The following USP6NL variants were observed in gnomAD, a reference collection of about 807,000 sequenced individuals.
The protein encoded by USP6NL is USP6 N-terminal-like protein.
Under a neutral mutation model 61.9 loss-of-function variants are expected in USP6NL, and 26 were observed. The observed-to-expected ratio is 0.42, with a 90% CI of 0.31 to 0.58. The LOEUF is 0.58. Ranked by LOEUF, USP6NL falls within the 20% of genes least tolerant of loss-of-function variation. USP6NL has a pLI of 0.16. For missense variants in USP6NL, 1,114 were observed against 1,034.3 expected, an observed-to-expected ratio of 1.08 and a Z score of -1.06; for synonymous variants, 432 against 390.1, an observed-to-expected ratio of 1.11 and a Z score of -1.27.
At position 11,592,308 on chromosome 10, in the gene USP6NL, G is replaced by T. The variant is rs1011018201; in HGVS notation, c.4+5323C>A. On this transcript the variant is annotated intron_variant, in intron 2 of 14. Coordinates refer to ENST00000609104, the MANE Select transcript of USP6NL (RefSeq NM_014688.5). The surrounding 1 kb of genome is among the most constrained non-coding windows in gnomAD (Gnocchi z 4.7). ...GAAAGTAATCACACAAATTTTCTGA[G>T]AAGCAATTTCTGCTGGCATTCTTCA... Among the ~76,000 whole-genome samples, 2 of 152,118 alleles carry T rather than the reference G, an allele frequency of 1.3e-5. No homozygotes were observed. Among genetic ancestry groups the T allele is most frequent in the African/African-American group, 2.4e-5 (1 of 41,418 alleles).
Position 11,501,214 on chromosome 10 carries a change from TAAAAGA to T in USP6NL, c.277-12_277-7del. The T allele has an allele frequency of 6.2e-7, 1 of 1,600,584 alleles. No homozygotes were observed. Among genetic ancestry groups the T allele is most frequent in the Non-Finnish European group, 8.5e-7 (1 of 1,175,030 alleles). On this transcript the variant is annotated splice_region_variant and splice_polypyrimidine_tract_variant and intron_variant, in intron 6 of 14. Coordinates refer to ENST00000609104, the MANE Select transcript of USP6NL (RefSeq NM_014688.5). ...TTGTAAATTCGCCTATGAAACTTATTAAAAGAAAAAGAAACTGAAGGTTACAAACTG... is the reference window on the plus strand; with the variant it reads ...TTGTAAATTCGCCTATGAAACTTATTAAAAGAAACTGAAGGTTACAAACTG...
At chr10:11,609,318 C>T (rs892075034) in intron 1 of USP6NL, among the ~76,000 whole-genome samples, 2 of 152,128 alleles carry the variant, frequency 1.3e-5, no homozygotes, top group Admixed American at 1.3e-4. Flanking sequence ...TCATCTGCCT[C>T]GGCCTCCCAA....
At position 11,595,164 on chromosome 10, in the gene USP6NL, G is replaced by A. The variant is rs534638300; in HGVS notation, c.4+2467C>T. On this transcript the variant is annotated intron_variant, in intron 2 of 14. Coordinates refer to ENST00000609104, the MANE Select transcript of USP6NL (RefSeq NM_014688.5). This position sits in a 1 kb window ranked among gnomAD's most constrained non-coding sequence, Gnocchi z 5.3. ...ACACAAACACACAGAAATAACAGGTGAAAGAGAAGCACAAGTCACTAAAAT... is the reference window on the plus strand; with the variant it reads ...ACACAAACACACAGAAATAACAGGTAAAAGAGAAGCACAAGTCACTAAAAT... Among the ~76,000 whole-genome samples the A allele has an allele frequency of 3.9e-5, 6 of 152,176 alleles. No individual in the cohort carries two copies. The highest frequency in any genetic ancestry group is 5.9e-5 in the Non-Finnish European group (4 of 68,032).
In USP6NL at chr10:11,481,892, A is replaced by G; in HGVS notation, c.956T>C (p.Leu319Pro). The G allele has an allele frequency of 6.2e-7, 1 of 1,611,344 alleles. No homozygotes were observed. Among genetic ancestry groups the G allele is most frequent in the Non-Finnish European group, 8.5e-7 (1 of 1,178,768 alleles). The change falls in exon 14 of 15, where the codon CTT (leucine) becomes CCT (proline). Residue 319 changes from leucine to proline, a missense_variant. By Grantham distance (98) the Leu-to-Pro change is moderately conservative. Transcript: ENST00000609104. This position sits in a 1 kb window ranked among gnomAD's most constrained non-coding sequence, Gnocchi z 4.4. ...KHLMKLSMEE[L>P]VEFFQETLAK... The stretch of plus-strand genomic sequence containing the variant: ...CAGGGTCTCCTGAAAAAATTCTACA[A>G]GTTCTTCCATGGACAATTTCATTAG...
chr10:11,572,021 T>A (rs1837383872), intron 2 of USP6NL, among the ~76,000 whole-genome samples: 1 of 151,572 alleles, frequency 6.6e-6, no homozygotes, highest in African/African-American at 2.4e-5. Context: ...TTTTCATATA[T>A]CCACATGATG....
In USP6NL at chr10:11,587,303, GAAATT is replaced by G. The variant is rs1421443814; in HGVS notation, c.4+10323_4+10327del. Among the ~76,000 whole-genome samples, 2 of 152,194 alleles carry G rather than the reference GAAATT, an allele frequency of 1.3e-5. No individual in the cohort carries two copies. The highest frequency in any genetic ancestry group is 3.9e-4 in the East Asian group (2 of 5,180). On this transcript the variant is annotated intron_variant, in intron 2 of 14. Coordinates refer to ENST00000609104, the MANE Select transcript of USP6NL (RefSeq NM_014688.5). The surrounding 1 kb of genome is among the most constrained non-coding windows in gnomAD (Gnocchi z 4.5). ...CACCATGACCCCTAAAATATTTTAA[GAAATT>G]AATTTATAGTATCATGTGTCTCAAA...
intron 2 of USP6NL, among the ~76,000 whole-genome samples, chr10:11,550,246 C>T (rs1836432909): frequency 6.6e-6 from 1 of 151,830 alleles, no homozygotes; most frequent in South Asian, 2.1e-4. Context: ...AAAAATAGCA[C>T]AAACTAGAAA....
Position 11,463,330 on chromosome 10 carries a change from T to C in USP6NL, c.1598A>G (p.Lys533Arg), listed in dbSNP as rs753071947. The change falls in exon 15 of 15, where the codon AAG becomes AGG. Residue 533 changes from lysine to arginine, a missense_variant. By Grantham distance (26) the Lys-to-Arg change is conservative. Coordinates refer to ENST00000609104, the MANE Select transcript of USP6NL (RefSeq NM_014688.5). This position sits in a 1 kb window ranked among gnomAD's most constrained non-coding sequence, Gnocchi z 6.3. ...AEVRVSNVRP[K>R]MKALDAEDGK... Reference sequence around the variant, plus strand: ...GTCCTCAGCATCCAGGGCCTTCATCTTTGGCCGCACGTTTGACACCCGCAC... The same window carrying C: ...GTCCTCAGCATCCAGGGCCTTCATCCTTGGCCGCACGTTTGACACCCGCAC... The C allele has an allele frequency of 3.8e-5, 62 of 1,613,804 alleles. No homozygotes were observed. In the Middle Eastern group the frequency reaches 4.9e-4, roughly 13 times the overall value.
At chr10:11,563,013 AAAAT>A (rs1182792632) in intron 2 of USP6NL, among the ~76,000 whole-genome samples, 1 of 151,950 alleles carries the variant, frequency 6.6e-6, no homozygotes, top group Non-Finnish European at 1.5e-5. Context: ...AAAATAAAAT[AAAAT>A]AAATAAAAAA....
At chr10:11,475,024 A>G (rs1181461877) in intron 14 of USP6NL, among the ~76,000 whole-genome samples, 2 of 152,232 alleles carry the variant, frequency 1.3e-5, no homozygotes, top group Non-Finnish European at 2.9e-5. Context: ...TGATTCTTCT[A>G]TCTAGGTCAT....
chr10:11,583,738 T>C (rs1399672892), intron 2 of USP6NL, among the ~76,000 whole-genome samples: 1 of 152,158 alleles, frequency 6.6e-6, no homozygotes, highest in Non-Finnish European at 1.5e-5. Context: ...TTTAAAAAAT[T>C]CGTTATTGGC....
chr10:11,480,763 G>A (rs1410629529), intron 14 of USP6NL, among the ~76,000 whole-genome samples: 3 of 152,226 alleles, frequency 2.0e-5, no homozygotes, highest in Non-Finnish European at 4.4e-5. Flanking sequence ...CACTGATGGG[G>A]AAACGCCAAA....
Position 11,485,760 on chromosome 10 carries a change from C to G in USP6NL, c.759+57G>C. Reference sequence around the variant, plus strand: ...ATTGGACCAAAGACAATTTAATTATCCCAGCTTTTTTTGGGGGGTGGGTAG... The same window carrying G: ...ATTGGACCAAAGACAATTTAATTATGCCAGCTTTTTTTGGGGGGTGGGTAG... On this transcript the variant is annotated intron_variant, in intron 11 of 14. Coordinates refer to ENST00000609104, the MANE Select transcript of USP6NL (RefSeq NM_014688.5). This position sits in a 1 kb window ranked among gnomAD's most constrained non-coding sequence, Gnocchi z 4.8. 4 of 1,166,340 alleles carry G rather than the reference C, an allele frequency of 3.4e-6. No individual in the cohort carries two copies. The highest frequency in any genetic ancestry group is 4.9e-6 in the Non-Finnish European group (4 of 823,316). The allele number at this position is 1,166,340 out of a possible 1,614,324, so 72.2% of individuals were successfully genotyped here. A position where few individuals can be genotyped will look rare whatever the true frequency, so the allele number is the denominator to read the frequency against.
In USP6NL at chr10:11,528,306, A is replaced by G. The variant is rs117198114; in HGVS notation, c.5-739T>C. 3.2e-3 allele frequency among the ~76,000 whole-genome samples: 374 copies of G among 118,194 alleles called. 2 individuals are homozygous for G. Among genetic ancestry groups the G allele is most frequent in the East Asian group, 0.015 (54 of 3,614 alleles). The allele number at this position is 118,194 out of a possible 152,430, so 77.5% of individuals were successfully genotyped here. ...ACTATATAAAAGGCTTCTCTTACCAAAAAAAAAAAGCATTCTAAGAGAAAA... is the reference window on the plus strand; with the variant it reads ...ACTATATAAAAGGCTTCTCTTACCAGAAAAAAAAAGCATTCTAAGAGAAAA... On this transcript the variant is annotated intron_variant, in intron 2 of 14. Coordinates refer to ENST00000609104, the MANE Select transcript of USP6NL (RefSeq NM_014688.5). This position sits in a 1 kb window ranked among gnomAD's most constrained non-coding sequence, Gnocchi z 4.6.
intron 6 of USP6NL, 142 bp downstream of exon 6, chr10:11,509,453 T>C (rs1834602176): frequency 3.0e-6 from 2 of 668,142 alleles, no homozygotes; most frequent in Non-Finnish European, 2.5e-6. Context: ...AAACTCCTAA[T>C]TCGAGGCATA....
At position 11,528,128 on chromosome 10, in the gene USP6NL, GACAC is replaced by G. The variant is rs142649349; in HGVS notation, c.5-565_5-562del. Among the ~76,000 whole-genome samples the G allele has an allele frequency of 7.4e-3, 1,052 of 142,212 alleles. 8 individuals carry two copies. The highest frequency in any genetic ancestry group is 0.019 in the African/African-American group (729 of 38,478). The allele number at this position is 142,212 out of a possible 152,430, so 93.3% of individuals were successfully genotyped here. ...ACATATGTGTGTGGACACACACACA[GACAC>G]ACACACACACACACACACACACACA... On this transcript the variant is annotated intron_variant, in intron 2 of 14. Coordinates refer to ENST00000609104, the MANE Select transcript of USP6NL (RefSeq NM_014688.5). This position sits in a 1 kb window ranked among gnomAD's most constrained non-coding sequence, Gnocchi z 4.6.
At chr10:11,522,111 A>T (rs1190304007) in intron 4 of USP6NL, among the ~76,000 whole-genome samples, 1 of 152,256 alleles carries the variant, frequency 6.6e-6, no homozygotes, top group Non-Finnish European at 1.5e-5. Context: ...GTTTGGCAAC[A>T]GCTTTCATAT....
intron 2 of USP6NL, among the ~76,000 whole-genome samples, chr10:11,541,448 G>A (rs986854579): frequency 2.0e-5 from 3 of 151,580 alleles, no homozygotes; most frequent in Admixed American, 6.6e-5. Flanking sequence ...TTAAACAAAT[G>A]AGAAAATTGG....
chr10:11,519,322 T>C (rs1835104914), intron 4 of USP6NL, among the ~76,000 whole-genome samples: 1 of 152,172 alleles, frequency 6.6e-6, no homozygotes, highest in African/African-American at 2.4e-5. Context: ...AAGAGAAAAC[T>C]TTATTCAGTA....
Sources: allele counts gnomAD v4.1 joint callset (sites outside exome capture counted in the v4.1 genomes callset), GRCh38; gene constraint gnomAD v4.1.1; non-coding constraint Gnocchi (gnomAD v3.1); transcripts MANE v1.5; gene names NCBI Gene and HGNC (gene_info 2026-07-23, HGNC 2026-07-21).